Variants in ILDR1 observed in about 807,000 individuals in gnomAD.
ILDR1 encodes the protein immunoglobulin-like domain-containing receptor 1.
Under a neutral mutation model 62.4 loss-of-function variants are expected in ILDR1, and 56 were observed. The ratio of observed to expected loss-of-function variants is 0.90; its 90% CI spans 0.72 to 1.12. ILDR1 has a LOEUF of 1.12. Among genes scored for constraint, ILDR1 ranks in the 50% most tolerant of loss-of-function variants. The probability of loss-of-function intolerance (pLI) is 0.00; values close to 1 mark genes in which losing one functional copy is unlikely to be tolerated. For missense variants in ILDR1, 736 were observed against 710.6 expected (o/e 1.04, Z -0.41); for synonymous variants, 284 against 277.8 (o/e 1.02, Z -0.22).
chr3:122,044,832 T>A, the ILDR1 span, among the ~76,000 whole-genome samples: 1 of 152,132 alleles, frequency 6.6e-6, no homozygotes, highest in Non-Finnish European at 1.5e-5. Context: ...GTCTTGCTAG[T>A]GGTCTATCAA....
the ILDR1 span, among the ~76,000 whole-genome samples, chr3:122,034,661 A>G: frequency 1.3e-5 from 2 of 152,152 alleles, no homozygotes; most frequent in East Asian, 1.9e-4. Flanking sequence ...TGTTTTTTCT[A>G]TAAGAATCCT....
intron 1 of ILDR1, among the ~76,000 whole-genome samples, chr3:122,010,727 A>G (rs112731901): frequency 0.014 from 2,149 of 152,326 alleles, 52 homozygotes; most frequent in African/African-American, 0.049. Flanking sequence ...GATTTTCACA[A>G]TGAATAGGTT....
intron 5 of ILDR1, among the ~76,000 whole-genome samples, chr3:121,994,936 C>T (rs982748839): frequency 1.3e-5 from 2 of 152,174 alleles, no homozygotes; most frequent in Non-Finnish European, 2.9e-5. Context: ...TCTACTCTTC[C>T]CGCCTTATTA....
the ILDR1 span, among the ~76,000 whole-genome samples, chr3:122,033,866 CTCTT>C: frequency 6.6e-6 from 1 of 152,188 alleles, no homozygotes; most frequent in Non-Finnish European, 1.5e-5. Context: ...CAGTATCACA[CTCTT>C]TTAACTATTA....
chr3:121,993,252 C>T lies in ILDR1; in HGVS notation c.1497G>A (p.Ser499=), dbSNP rs144649620. The T allele has an allele frequency of 8.6e-5, 139 of 1,613,354 alleles. No homozygotes were observed. The highest frequency in any genetic ancestry group is 1.1e-4 in the Non-Finnish European group (135 of 1,179,758). The change falls in exon 7 of 8, where the codon TCG becomes TCA. Residue 499 remains serine (S), a synonymous_variant. Transcript: ENST00000344209. ...TCTCCTCGGGCCAGTGTGGGGAGTG[C>T]GAGCCGCGGCGGTGGGCCCGCCAGC... is the stretch of plus-strand genomic sequence containing the variant. The part of the protein sequence containing the change: ...PQSWRAHRRG[S]HSPHWPEEKP...
chr3:122,058,858 T>C, the ILDR1 span, among the ~76,000 whole-genome samples: 1 of 152,194 alleles, frequency 6.6e-6, no homozygotes, highest in East Asian at 1.9e-4. Context: ...GGCGAGGGCA[T>C]GAAACCAGGG....
chr3:121,998,411 T>A (rs2071468800), intron 5 of ILDR1, among the ~76,000 whole-genome samples: 2 of 152,210 alleles, frequency 1.3e-5, no homozygotes, highest in African/African-American at 4.8e-5. Context: ...ATTCTTCTTG[T>A]CAACAAACTT....
At chr3:122,002,290 T>A (rs2071540113) in intron 3 of ILDR1, among the ~76,000 whole-genome samples, 1 of 152,230 alleles carries the variant, frequency 6.6e-6, no homozygotes, top group South Asian at 2.1e-4. Flanking sequence ...GGAACTGGCC[T>A]AATAACATGG....
rs2071393809 is a variant in ILDR1, at chr3:121,993,752, G to A, written c.997C>T (p.Pro333Ser). The change falls in exon 7 of 8, where the codon CCC becomes TCC. Residue 333 changes from proline to serine, a missense_variant. By Grantham distance (74) the Pro-to-Ser change is moderately conservative. Transcript: ENST00000344209. ...EVVERRIIHLPPLIRDLSSSR... is the reference protein window; with the variant it reads ...EVVERRIIHLSPLIRDLSSSR... The stretch of plus-strand genomic sequence containing the variant: ...GATGACAGGTCTCTGATCAGTGGGG[G>A]CAGGTGGATGATTCTGCGTTCCACG... 1 of 1,614,184 alleles carries A rather than the reference G, an allele frequency of 6.2e-7. No homozygotes were observed. The highest frequency in any genetic ancestry group is 1.3e-5 in the African/African-American group (1 of 75,056).
rs763291150 is a variant in ILDR1 at position 121,993,203 on chromosome 3, C to T, written c.1546G>A (p.Asp516Asn). Residue 516 changes from aspartate to asparagine, a missense_variant, in exon 7 of 8, where the codon GAT becomes AAT. By Grantham distance (23) the Asp-to-Asn change is conservative. Transcript: ENST00000344209. ...CTGCTATTCTTGCCTGGAGTGATAT[C>T]AAGTGAGCGGTAGCTAGGCGGCTTC... is the stretch of plus-strand genomic sequence containing the variant. ...EEKPPSYRSL[D>N]ITPGKNSRKK... is the part of the protein sequence containing the mutation. 6.2e-7 allele frequency: 1 copy of T among 1,613,710 alleles called. No individual in the cohort carries two copies. Among genetic ancestry groups the T allele is most frequent in the Non-Finnish European group, 8.5e-7 (1 of 1,179,858 alleles).
intron 1 of ILDR1, among the ~76,000 whole-genome samples, chr3:122,018,378 C>T (rs2071806532): frequency 7.7e-6 from 1 of 129,770 alleles, no homozygotes; most frequent in African/African-American, 3.1e-5. Flanking sequence ...ACATCACACA[C>T]CAGGGCCTGT....
At position 121,994,152 on chromosome 3, in the gene ILDR1, C is replaced by T. The variant is rs374148462; in HGVS notation, c.778+30G>A. ...TGTTCCCGCCCTTGCCCTCTGCCCT[C>T]CCCTATCCCAAATCTCTGGAAGAGT... On this transcript the variant is annotated intron_variant, in intron 6 of 7. Coordinates refer to ENST00000344209, the MANE Select transcript of ILDR1 (RefSeq NM_001199799.2). 7 of 1,535,202 alleles carry T rather than the reference C, an allele frequency of 4.6e-6. No individual in the cohort carries two copies. In the South Asian group the frequency reaches 4.8e-5, roughly 10 times the overall value.
the ILDR1 span, among the ~76,000 whole-genome samples, chr3:122,047,032 T>C: frequency 6.9e-6 from 1 of 145,446 alleles, no homozygotes; most frequent in Admixed American, 6.9e-5. Context: ...GTTCTGTTTT[T>C]TCCCCATCTT....
intron 5 of ILDR1, among the ~76,000 whole-genome samples, chr3:121,999,766 G>T (rs1364359401): frequency 2.0e-5 from 3 of 152,092 alleles, no homozygotes; most frequent in African/African-American, 7.2e-5. Flanking sequence ...GGGATGGGAG[G>T]TCAGACTCAC....
chr3:122,048,497 T>C, the ILDR1 span, among the ~76,000 whole-genome samples: 2 of 152,230 alleles, frequency 1.3e-5, no homozygotes, highest in African/African-American at 4.8e-5. Flanking sequence ...TGAGAAGGAT[T>C]AGTGTTAATT....
At chr3:122,004,161 T>A (rs2071569294) in intron 3 of ILDR1, among the ~76,000 whole-genome samples, 1 of 152,212 alleles carries the variant, frequency 6.6e-6, no homozygotes, top group South Asian at 2.1e-4. Context: ...ATGGCCACCA[T>A]GAGTGGCCCA....
At chr3:122,026,200 A>G (rs2071920462), upstream of ILDR1, among the ~76,000 whole-genome samples, 1 of 152,224 alleles carries the variant, frequency 6.6e-6, no homozygotes, top group South Asian at 2.1e-4. Context: ...GAATCCGGAG[A>G]GGCATAATGA....
chr3:122,053,487 ATAAAAATACTAAAAG>A, the ILDR1 span, among the ~76,000 whole-genome samples: 30 of 152,282 alleles, frequency 2.0e-4, no homozygotes, highest in Admixed American at 1.3e-3. Context: ...AAATTGTAAT[ATAAAAATACTAAAAG>A]CTAAAACTGT....
At chr3:122,002,275 T>C (rs1274464080) in intron 3 of ILDR1, among the ~76,000 whole-genome samples, 1 of 152,170 alleles carries the variant, frequency 6.6e-6, no homozygotes, top group Non-Finnish European at 1.5e-5. Flanking sequence ...AAATCAAGAC[T>C]CAAAGGAACT....
Sources: gnomAD v4.1 joint callset for allele counts (sites outside exome capture counted in the v4.1 genomes callset) on GRCh38, gnomAD v4.1.1 for gene constraint, MANE v1.5 for transcripts, NCBI Gene and HGNC (gene_info 2026-07-23, HGNC 2026-07-21) for gene names.